Variants in NR6A1 observed in about 807,000 individuals in gnomAD.
NR6A1 encodes the protein retinoic acid receptor-related testis-associated receptor.
In NR6A1, 7 loss-of-function variants were observed where a neutral mutation model predicts 59.1. The ratio of observed to expected loss-of-function variants is 0.12; its 90% CI spans 0.07 to 0.22. The LOEUF is 0.22. Among genes scored for constraint, NR6A1 ranks in the 10% least tolerant of loss-of-function variants. The probability of loss-of-function intolerance (pLI) is 1.00; values close to 1 mark genes in which losing one functional copy is unlikely to be tolerated. For missense variants in NR6A1, 468 were observed against 611.6 expected (o/e 0.77, Z 2.48); for synonymous variants, 243 against 236.1 (o/e 1.03, Z -0.27).
chr9:124,710,553 G>A (rs1839248286), intron 2 of NR6A1, among the ~76,000 whole-genome samples: 1 of 152,106 alleles, frequency 6.6e-6, no homozygotes, highest in South Asian at 2.1e-4. Context: ...CAACCTCTTA[G>A]CCCCATGATT....
chr9:124,727,992 C>T (rs372893895), intron 2 of NR6A1, among the ~76,000 whole-genome samples: 2 of 150,880 alleles, frequency 1.3e-5, no homozygotes, highest in South Asian at 4.2e-4. Flanking sequence ...CTAATGACTT[C>T]ATTTTTATTT....
chr9:124,657,520 A>T (rs1837295471), intron 2 of NR6A1, among the ~76,000 whole-genome samples: 1 of 152,244 alleles, frequency 6.6e-6, no homozygotes, highest in Non-Finnish European at 1.5e-5. Flanking sequence ...AACTTTAAAG[A>T]AGTGTCAACT....
In NR6A1 at chr9:124,771,288, T is replaced by G; in HGVS notation, c.-169A>C. The G allele has an allele frequency of 2.6e-6, 1 of 392,108 alleles. No individual in the cohort carries two copies. The highest frequency in any genetic ancestry group is 4.5e-6 in the Non-Finnish European group (1 of 223,488). The allele number at this position is 392,108 out of a possible 1,614,324, so 24.3% of individuals were successfully genotyped here. On this transcript the variant is annotated 5_prime_UTR_variant, in exon 1 of 10. Coordinates refer to ENST00000487099, the MANE Select transcript of NR6A1 (RefSeq NM_033334.4). ...CCGGCTCCGCGCCGCTCCGCGCCCC[T>G]CCGCGCCGCGCCCCCTCAGCACTGG...
At chr9:124,585,272 G>A (rs1318122892) in intron 2 of NR6A1, among the ~76,000 whole-genome samples, 4 of 152,184 alleles carry the variant, frequency 2.6e-5, no homozygotes, top group Non-Finnish European at 4.4e-5. Context: ...CAGGCGCAGT[G>A]GCTCATGCCT....
At chr9:124,604,125 C>A (rs560683713) in intron 2 of NR6A1, among the ~76,000 whole-genome samples, 1 of 152,312 alleles carries the variant, frequency 6.6e-6, no homozygotes, top group East Asian at 1.9e-4. Flanking sequence ...AAATAACGCA[C>A]ATAATCCCAA....
intron 1 of NR6A1, among the ~76,000 whole-genome samples, chr9:124,754,296 C>CTCTTGGCAATT (rs1241963205): frequency 1.3e-5 from 2 of 152,222 alleles, no homozygotes; most frequent in African/African-American, 4.8e-5. Flanking sequence ...TCCAAGTCAA[C>CTCTTGGCAATT]TGACCAAATT....
chr9:124,721,626 C>G (rs1321107631), intron 2 of NR6A1, among the ~76,000 whole-genome samples: 4 of 152,296 alleles, frequency 2.6e-5, no homozygotes, highest in Non-Finnish European at 5.9e-5. Context: ...TGAATCTGAG[C>G]CACAGAAGAC....
At chr9:124,541,839 A>T (rs1382782607) in intron 4 of NR6A1, among the ~76,000 whole-genome samples, 1 of 152,224 alleles carries the variant, frequency 6.6e-6, no homozygotes, top group Non-Finnish European at 1.5e-5. Context: ...AAAACACCTT[A>T]AAAAAGAGGA....
intron 2 of NR6A1, among the ~76,000 whole-genome samples, chr9:124,707,750 G>A (rs772059995): frequency 4.6e-5 from 7 of 151,974 alleles, no homozygotes; most frequent in African/African-American, 7.3e-5. Flanking sequence ...TGATGGCTCC[G>A]GTTTTTCCCC....
chr9:124,627,756 A>G (rs1489653665), intron 2 of NR6A1, among the ~76,000 whole-genome samples: 2 of 151,856 alleles, frequency 1.3e-5, no homozygotes, highest in African/African-American at 4.8e-5. Context: ...ATTTTTTTGT[A>G]CAAACGGGGC....
At chr9:124,585,512 C>A (rs1399876951) in intron 2 of NR6A1, among the ~76,000 whole-genome samples, 3 of 139,436 alleles carry the variant, frequency 2.2e-5, no homozygotes, top group African/African-American at 8.1e-5. Context: ...CCACTGCACT[C>A]CAGCCTGGGT....
chr9:124,657,034 C>A lies in NR6A1; in HGVS notation c.142+76274G>T, dbSNP rs1588750015. Among the ~76,000 whole-genome samples, 5 of 151,956 alleles carry A rather than the reference C, an allele frequency of 3.3e-5. No individual in the cohort carries two copies. The South Asian group carries it at 1.0e-3, about 32-fold the overall frequency. On this transcript the variant is annotated intron_variant, in intron 2 of 9. Coordinates refer to ENST00000487099, the MANE Select transcript of NR6A1 (RefSeq NM_033334.4). ...GCACTTAACACCACAGAACTATACA[C>A]TTAAAAATTATTACAACAGTCAATT...
Position 124,526,813 on chromosome 9 carries a change from A to G in NR6A1, c.1167T>C (p.Tyr389=). The G allele has an allele frequency of 1.2e-6, 2 of 1,614,044 alleles. No homozygotes were observed. The highest frequency in any genetic ancestry group is 1.7e-6 in the Non-Finnish European group (2 of 1,179,928). The change falls in exon 8 of 10, where the codon TAT becomes TAC. Residue 389 remains tyrosine, a synonymous_variant. Transcript: ENST00000487099. ...GGAAGTTAATTGCTTTCATGCAAGC[A>G]TACTCCTCGTTGCTGACCTTTAGCT... ...FHQLKVSNEE[Y]ACMKAINFLN...
chr9:124,730,711 C>T (rs1382814279), intron 2 of NR6A1, among the ~76,000 whole-genome samples: 1 of 151,922 alleles, frequency 6.6e-6, no homozygotes, highest in Non-Finnish European at 1.5e-5. Context: ...TATTACTTAA[C>T]CCAGAAAGAA....
intron 2 of NR6A1, among the ~76,000 whole-genome samples, chr9:124,723,093 T>C (rs186111036): frequency 1.5e-3 from 225 of 152,120 alleles, no homozygotes; most frequent in African/African-American, 5.3e-3. Flanking sequence ...ATACTATTTA[T>C]TATACACATT....
At chr9:124,668,564 T>C (rs1837697858) in intron 2 of NR6A1, among the ~76,000 whole-genome samples, 1 of 152,164 alleles carries the variant, frequency 6.6e-6, no homozygotes, top group Admixed American at 6.5e-5. Context: ...ATAATCTCAC[T>C]CACAGAAAAA....
At chr9:124,530,087 T>A (rs1173937282) in intron 7 of NR6A1, among the ~76,000 whole-genome samples, 1 of 152,164 alleles carries the variant, frequency 6.6e-6, no homozygotes, top group Non-Finnish European at 1.5e-5. Flanking sequence ...TGTGTGGCTA[T>A]CAGCCAGACC....
At chr9:124,642,077 C>T (rs1231955374) in intron 2 of NR6A1, among the ~76,000 whole-genome samples, 1 of 151,880 alleles carries the variant, frequency 6.6e-6, no homozygotes, top group African/African-American at 2.4e-5. Flanking sequence ...ACAGTCAAGT[C>T]TTGCTCTGTC....
chr9:124,557,375 C>A (rs2131393655), intron 2 of NR6A1, among the ~76,000 whole-genome samples: 1 of 152,182 alleles, frequency 6.6e-6, no homozygotes, highest in East Asian at 1.9e-4. Context: ...CCTCGTGATC[C>A]ACCCACCTCG....
Sources: allele counts gnomAD v4.1 joint callset (sites outside exome capture counted in the v4.1 genomes callset), GRCh38; gene constraint gnomAD v4.1.1; transcripts MANE v1.5; gene names NCBI Gene and HGNC (gene_info 2026-07-23, HGNC 2026-07-21).